The following CDH13 variants were observed in gnomAD, a reference collection of about 807,000 sequenced individuals.
CDH13 encodes the protein cadherin-13.
In CDH13, 24 loss-of-function variants were observed where a neutral mutation model predicts 63.8. The ratio of observed to expected loss-of-function variants is 0.38; its 90% CI spans 0.27 to 0.53. CDH13 has a LOEUF of 0.53. Among genes scored for constraint, CDH13 ranks in the 20% least tolerant of loss-of-function variants. CDH13 has a pLI of 0.85. For synonymous variants in CDH13, 503 were observed against 355.3 expected, an observed-to-expected ratio of 1.42 and a Z score of -4.67; for missense variants, 1,049 against 903.1, an observed-to-expected ratio of 1.16 and a Z score of -2.07.
At chr16:83,503,394 C>G (rs530786679) in intron 7 of CDH13, among the ~76,000 whole-genome samples, 2 of 152,206 alleles carry the variant, frequency 1.3e-5, no homozygotes, top group South Asian at 4.1e-4. Flanking sequence ...GGGATAACAA[C>G]ACGCCACATC....
At chr16:83,289,216 G>A (rs925155155) in intron 5 of CDH13, among the ~76,000 whole-genome samples, 4 of 152,204 alleles carry the variant, frequency 2.6e-5, no homozygotes, top group Non-Finnish European at 4.4e-5. Context: ...GTCAGGAAAT[G>A]AACAGTACAT....
chr16:82,831,625 A>C lies in CDH13; in HGVS notation c.46-26737A>C, dbSNP rs931234897. Among the ~76,000 whole-genome samples the C allele has an allele frequency of 5.3e-5, 8 of 152,216 alleles. 1 individual carries two copies. The highest frequency in any genetic ancestry group is 5.2e-4 in the Admixed American group (8 of 15,280). On this transcript the variant is annotated intron_variant, in intron 1 of 13. Coordinates refer to ENST00000567109, the MANE Select transcript of CDH13 (RefSeq NM_001257.5). The stretch of plus-strand genomic sequence containing the variant: ...AGAACCAACAACCAAATCAATATCC[A>C]AAAAATAACAATAACGTCCAGGTCA...
At chr16:83,623,925 G>C (rs1329138738) in intron 8 of CDH13, among the ~76,000 whole-genome samples, 1 of 152,198 alleles carries the variant, frequency 6.6e-6, no homozygotes, top group East Asian at 1.9e-4. Flanking sequence ...CGGAGTCAAG[G>C]ATCCCCTGTT....
At chr16:83,003,349 A>G (rs1223857744) in intron 2 of CDH13, among the ~76,000 whole-genome samples, 1 of 151,368 alleles carries the variant, frequency 6.6e-6, no homozygotes, top group Non-Finnish European at 1.5e-5. Context: ...TCCAGGTAGC[A>G]TTGCATTGAT....
At chr16:83,764,941 C>G (rs1200585734) in intron 11 of CDH13, among the ~76,000 whole-genome samples, 1 of 152,206 alleles carries the variant, frequency 6.6e-6, no homozygotes, top group East Asian at 1.9e-4. Flanking sequence ...GAACTTCTCA[C>G]AAAATAGCCA....
chr16:82,991,436 A>G (rs1911644590), intron 2 of CDH13, among the ~76,000 whole-genome samples: 2 of 152,188 alleles, frequency 1.3e-5, no homozygotes, highest in South Asian at 4.1e-4. Context: ...ATTTATCTTT[A>G]ACACAGATTT....
At chr16:83,126,644 G>T (rs1032927927) in intron 4 of CDH13, among the ~76,000 whole-genome samples, 3 of 152,162 alleles carry the variant, frequency 2.0e-5, no homozygotes, top group African/African-American at 7.2e-5. Flanking sequence ...AGTTGATCTC[G>T]AGAACAAAGA....
chr16:83,323,179 TTTCTTTCTTTC>T (rs1567591184), intron 5 of CDH13, among the ~76,000 whole-genome samples: 4,286 of 93,420 alleles, frequency 0.046, 194 homozygotes, highest in African/African-American at 0.079. Context: ...TTCTTTTTTC[TTTCTTTCTTTC>T]TTTCTTTCTT....
chr16:83,265,279 C>CT (rs1907472396), intron 5 of CDH13, among the ~76,000 whole-genome samples: 1 of 152,212 alleles, frequency 6.6e-6, no homozygotes, highest in African/African-American at 2.4e-5. Flanking sequence ...TGAGTCTCCT[C>CT]TTTCCCAAAT....
At chr16:83,508,337 T>G (rs1306278237) in intron 7 of CDH13, 1 of 154,684 alleles carries the variant, frequency 6.5e-6, no homozygotes, top group African/African-American at 2.4e-5. Flanking sequence ...AGTTTTGCGT[T>G]GCCCCATGGC....
intron 5 of CDH13, among the ~76,000 whole-genome samples, chr16:83,232,527 A>C (rs2040028409): frequency 6.8e-6 from 1 of 146,988 alleles, no homozygotes; most frequent in Admixed American, 6.7e-5. Flanking sequence ...CTGTCTCAAA[A>C]AACGACAACA....
intron 10 of CDH13, among the ~76,000 whole-genome samples, chr16:83,709,903 T>G (rs16961389): frequency 0.01 from 1,548 of 152,366 alleles, 74 homozygotes; most frequent in Admixed American, 0.077. Flanking sequence ...AGTCATTGGA[T>G]TTGTAGAAAG....
intron 8 of CDH13, among the ~76,000 whole-genome samples, chr16:83,634,719 T>C (rs1384593881): frequency 6.6e-6 from 1 of 152,110 alleles, no homozygotes; most frequent in Non-Finnish European, 1.5e-5. Flanking sequence ...CTCTTTTCAC[T>C]AAGCATGATG....
chr16:83,730,106 A>T (rs1372141599), intron 10 of CDH13, among the ~76,000 whole-genome samples: 1 of 152,192 alleles, frequency 6.6e-6, no homozygotes, highest in African/African-American at 2.4e-5. Flanking sequence ...TTTAATGTCT[A>T]CGTAGCATTC....
At chr16:83,380,921 C>G (rs2091555322) in intron 6 of CDH13, among the ~76,000 whole-genome samples, 2 of 151,812 alleles carry the variant, frequency 1.3e-5, no homozygotes, top group Admixed American at 6.6e-5. Flanking sequence ...TGCCCTCATC[C>G]TCACTGCCCT....
chr16:82,677,532 A>G (rs543611387), intron 1 of CDH13, among the ~76,000 whole-genome samples: 1 of 151,772 alleles, frequency 6.6e-6, no homozygotes, highest in Admixed American at 6.6e-5. Context: ...TAATTAATAA[A>G]TAACGACTAA....
intron 1 of CDH13, among the ~76,000 whole-genome samples, chr16:82,831,076 A>G (rs2038520108): frequency 6.6e-6 from 1 of 152,106 alleles, no homozygotes; most frequent in African/African-American, 2.4e-5. Context: ...TCCATGGACC[A>G]AGCAGCTTCA....
intron 8 of CDH13, among the ~76,000 whole-genome samples, chr16:83,657,724 G>T (rs1033262708): frequency 1.3e-5 from 2 of 152,182 alleles, no homozygotes; most frequent in African/African-American, 4.8e-5. Context: ...TACTGCATTT[G>T]CTTGCTTAGC....
intron 8 of CDH13, among the ~76,000 whole-genome samples, chr16:83,662,147 C>T (rs896740348): frequency 6.6e-5 from 10 of 152,266 alleles, no homozygotes; most frequent in African/African-American, 9.6e-5. Flanking sequence ...TCACTCAGGA[C>T]GTTTCTTTCT....
Sources: gnomAD v4.1 joint callset for allele counts (sites outside exome capture counted in the v4.1 genomes callset) on GRCh38, gnomAD v4.1.1 for gene constraint, MANE v1.5 for transcripts, NCBI Gene and HGNC (gene_info 2026-07-23, HGNC 2026-07-21) for gene names.